The following CSMD1 variants were observed in gnomAD, a reference collection of about 807,000 sequenced individuals.
The protein encoded by CSMD1 is CUB and sushi domain-containing protein 1.
CSMD1 carries 213 observed loss-of-function variants against 417.5 expected under a neutral mutation model. The ratio of observed to expected loss-of-function variants is 0.51; its 90% CI spans 0.46 to 0.57. The LOEUF (loss-of-function observed/expected upper bound fraction) is 0.57, where lower values mean the gene tolerates loss of function less well. Among genes scored for constraint, CSMD1 ranks in the 20% least tolerant of loss-of-function variants. CSMD1 has a pLI of 0.00. For synonymous variants in CSMD1, 2,862 were observed against 1,736.8 expected (o/e 1.65, Z -16.11); for missense variants, 6,923 against 4,529.7 (o/e 1.53, Z -15.17).
intron 3 of CSMD1, 89 bp downstream of exon 3, chr8:4,419,864 C>G: frequency 1.1e-6 from 1 of 900,648 alleles, no homozygotes; most frequent in Non-Finnish European, 1.8e-6. Context: ...TGCGACATAG[C>G]AGCCTAGTTT....
At chr8:4,382,049 C>A (rs964048996) in intron 3 of CSMD1, among the ~76,000 whole-genome samples, 3 of 152,176 alleles carry the variant, frequency 2.0e-5, no homozygotes, top group Non-Finnish European at 4.4e-5. Flanking sequence ...TTATGCGACA[C>A]CAGAACTGGG....
rs1420553056 is a variant in CSMD1, at chr8:3,308,124, AG to A, written c.3823+187del. ...CCTATAGTCTCCATAACAGAATACTAGAAAAACTGTCTTTCATAGCTGAAAA... is the reference window on the plus strand; with the variant it reads ...CCTATAGTCTCCATAACAGAATACTAAAAAACTGTCTTTCATAGCTGAAAA... On this transcript the variant is annotated intron_variant, in intron 24 of 69. Coordinates refer to ENST00000635120, the MANE Select transcript of CSMD1 (RefSeq NM_033225.6). 2.0e-5 allele frequency among the ~76,000 whole-genome samples: 3 copies of A among 152,180 alleles called. No individual in the cohort carries two copies. The East Asian group carries it at 5.8e-4, about 29-fold the overall frequency.
rs188489884 is a variant in CSMD1, at chr8:3,022,837, A to G, written c.7856-4187T>C. On this transcript the variant is annotated intron_variant, in intron 51 of 69. Coordinates refer to ENST00000635120, the MANE Select transcript of CSMD1 (RefSeq NM_033225.6). ...AAATACACGAAGGCACTCCGTATAG[A>G]TCAGAGTCAGGAATTGTTTTATTAG... 5.9e-5 allele frequency among the ~76,000 whole-genome samples: 9 copies of G among 152,302 alleles called. No individual in the cohort carries two copies. In the East Asian group the frequency reaches 1.7e-3, roughly 29 times the overall value.
chr8:2,982,985 C>T (rs892427400), intron 54 of CSMD1, among the ~76,000 whole-genome samples: 4 of 152,206 alleles, frequency 2.6e-5, no homozygotes, highest in East Asian at 1.9e-4. Context: ...CTGGGCTCTT[C>T]GGGCAGACGA....
intron 5 of CSMD1, among the ~76,000 whole-genome samples, chr8:3,794,893 C>G (rs1016697608): frequency 6.6e-6 from 1 of 151,800 alleles, no homozygotes; most frequent in Non-Finnish European, 1.5e-5. Flanking sequence ...CTCTTACTGT[C>G]TGTAATGGTT....
At chr8:3,713,472 C>G (rs1392569298) in intron 6 of CSMD1, among the ~76,000 whole-genome samples, 2 of 152,162 alleles carry the variant, frequency 1.3e-5, no homozygotes, top group Non-Finnish European at 2.9e-5. Context: ...TGGGAAAGCT[C>G]AGCCTGCTCC....
At chr8:3,737,251 G>T in intron 6 of CSMD1, among the ~76,000 whole-genome samples, 1 of 152,072 alleles carries the variant, frequency 6.6e-6, no homozygotes, top group East Asian at 1.9e-4. Context: ...AAGCCGATTG[G>T]GAGTAATGGC....
intron 20 of CSMD1, 85 bp downstream of exon 20, chr8:3,366,947 C>G (rs1809612850): frequency 9.5e-7 from 1 of 1,050,778 alleles, no homozygotes. Flanking sequence ...ACATTACACA[C>G]ACACACACAC....
intron 8 of CSMD1, among the ~76,000 whole-genome samples, chr8:3,595,930 G>T (rs1188576113): frequency 6.6e-6 from 1 of 152,160 alleles, no homozygotes; most frequent in Non-Finnish European, 1.5e-5. Context: ...TTGCCCGCAA[G>T]CCCCTCTCCC....
intron 40 of CSMD1, among the ~76,000 whole-genome samples, chr8:3,143,397 C>A (rs576966076): frequency 6.6e-6 from 1 of 152,242 alleles, no homozygotes; most frequent in Non-Finnish European, 1.5e-5. Flanking sequence ...CAGCCTGGCA[C>A]AGTTGAGAAT....
At chr8:3,251,138 C>G (rs1244055802) in intron 26 of CSMD1, among the ~76,000 whole-genome samples, 1 of 152,146 alleles carries the variant, frequency 6.6e-6, no homozygotes, top group African/African-American at 2.4e-5. Context: ...AGTCCTTGCC[C>G]GTGCCTATGT....
intron 2 of CSMD1, among the ~76,000 whole-genome samples, chr8:4,628,188 C>A (rs1018895265): frequency 3.3e-4 from 50 of 151,058 alleles, no homozygotes; most frequent in African/African-American, 1.1e-3. Flanking sequence ...ATTTTTCTTG[C>A]AGTTCTATGT....
At chr8:4,032,978 A>G (rs548454611) in intron 3 of CSMD1, among the ~76,000 whole-genome samples, 37 of 152,132 alleles carry the variant, frequency 2.4e-4, no homozygotes, top group Middle Eastern at 3.4e-3. Context: ...CGAAACACTG[A>G]CAATCTGTTT....
At chr8:4,183,402 C>G (rs1798486816) in intron 3 of CSMD1, among the ~76,000 whole-genome samples, 1 of 152,110 alleles carries the variant, frequency 6.6e-6, no homozygotes, top group South Asian at 2.1e-4. Context: ...GATGTAAAAG[C>G]AACTCCATAA....
chr8:2,961,778 C>T (rs1481976621), intron 61 of CSMD1, among the ~76,000 whole-genome samples: 18 of 152,116 alleles, frequency 1.2e-4, no homozygotes, highest in Admixed American at 1.2e-3. Flanking sequence ...AGTAGAAAAA[C>T]AAAACAGATA....
chr8:3,518,260 A>C (rs1313841868), intron 10 of CSMD1, among the ~76,000 whole-genome samples: 60 of 152,172 alleles, frequency 3.9e-4, no homozygotes, highest in Admixed American at 3.9e-3. Context: ...TGTTTCTTCA[A>C]ATAAGAGAAA....
intron 12 of CSMD1, among the ~76,000 whole-genome samples, chr8:3,461,138 A>T (rs1353870): frequency 2.0e-5 from 3 of 152,078 alleles, no homozygotes; most frequent in African/African-American, 7.2e-5. Context: ...CGCTCTGCGG[A>T]ACTGAGGCTG....
chr8:4,619,474 A>C (rs1466496749), intron 2 of CSMD1, among the ~76,000 whole-genome samples: 1 of 152,188 alleles, frequency 6.6e-6, no homozygotes, highest in African/African-American at 2.4e-5. Flanking sequence ...AGTAGCAAGA[A>C]GAAAAGCCCA....
chr8:4,145,573 G>C (rs987344619), intron 3 of CSMD1, among the ~76,000 whole-genome samples: 53 of 150,810 alleles, frequency 3.5e-4, no homozygotes, highest in Non-Finnish European at 5.1e-4. Flanking sequence ...ATTTTTTGTG[G>C]AGAGACGGTC....
Sources: allele counts gnomAD v4.1 joint callset (sites outside exome capture counted in the v4.1 genomes callset), GRCh38; gene constraint gnomAD v4.1.1; transcripts MANE v1.5; gene names NCBI Gene and HGNC (gene_info 2026-07-23, HGNC 2026-07-21).